CYYR1: variants seen among roughly 807,000 people sequenced by gnomAD.
CYYR1 encodes cysteine and tyrosine-rich protein 1.
Under a neutral mutation model 15.2 loss-of-function variants are expected in CYYR1, and 14 were observed. The ratio of observed to expected loss-of-function variants is 0.92; its 90% confidence interval spans 0.61 to 1.44. The LOEUF (loss-of-function observed/expected upper bound fraction) is 1.44, where lower values mean the gene tolerates loss of function less well. CYYR1 is among the 40% of genes most tolerant of loss of function. The pLI, the probability that CYYR1 is intolerant of heterozygous loss-of-function variation, is 0.00. For missense variants in CYYR1, 228 were observed against 209.5 expected (o/e 1.09, Z -0.54); for synonymous variants, 80 against 77.4 (o/e 1.03, Z -0.18).
chr21:26,481,364 GA>G (rs2065177829), intron 2 of CYYR1, among the ~76,000 whole-genome samples: 1 of 151,956 alleles, frequency 6.6e-6, no homozygotes, highest in East Asian at 1.9e-4. Context: ...AGGACTGACA[GA>G]AAAAAATTCG....
Position 26,467,091 on chromosome 21 carries a change from CTG to C in CYYR1, c.*1408_*1409del, listed in dbSNP as rs1348698197. On this transcript the variant is annotated 3_prime_UTR_variant, in exon 4 of 4. Coordinates refer to ENST00000652641, the MANE Select transcript of CYYR1 (RefSeq NM_001320768.2). ...GTTTCATTCAGCAAAATTCTTGGCA[CTG>C]TTTTGGGATTTCACTGAATTTTGAT... is the stretch of plus-strand genomic sequence containing the variant. 3.3e-5 allele frequency: 5 copies of C among 152,054 alleles called. No homozygotes were observed. Among genetic ancestry groups the C allele is most frequent in the African/African-American group, 1.2e-4 (5 of 41,424 alleles). The allele number at this position is 152,054 out of a possible 1,614,324, so 9.4% of individuals were successfully genotyped here. A position where few individuals can be genotyped will look rare whatever the true frequency, so the allele number is the denominator to read the frequency against.
chr21:26,487,959 G>A lies in CYYR1; in HGVS notation c.177-7530C>T, dbSNP rs1413697804. Among the ~76,000 whole-genome samples, 4 of 148,180 alleles carry A rather than the reference G, an allele frequency of 2.7e-5. No homozygotes were observed. In the East Asian group the frequency reaches 8.0e-4, roughly 30 times the overall value. On this transcript the variant is annotated intron_variant, in intron 2 of 3. Coordinates refer to ENST00000652641, the MANE Select transcript of CYYR1 (RefSeq NM_001320768.2). Reference sequence around the variant, plus strand: ...TGTAAAATCCAAATATGCTAATAATGTTTTTTTATTTTGCTTTTTTTTTTT... The same window carrying A: ...TGTAAAATCCAAATATGCTAATAATATTTTTTTATTTTGCTTTTTTTTTTT...
intron 2 of CYYR1, among the ~76,000 whole-genome samples, chr21:26,504,417 C>T (rs1186189979): frequency 7.2e-5 from 11 of 151,872 alleles, no homozygotes; most frequent in Non-Finnish European, 1.5e-4. Context: ...ATTACAGGCG[C>T]GTACCACCAC....
At chr21:26,523,301 G>A (rs1416620273) in intron 2 of CYYR1, among the ~76,000 whole-genome samples, 3 of 152,060 alleles carry the variant, frequency 2.0e-5, no homozygotes, top group Non-Finnish European at 4.4e-5. Flanking sequence ...GCTGTTATCT[G>A]AGGAAATGCC....
At chr21:26,513,444 G>A (rs928698019) in intron 2 of CYYR1, among the ~76,000 whole-genome samples, 1 of 152,080 alleles carries the variant, frequency 6.6e-6, no homozygotes, top group South Asian at 2.1e-4. Context: ...AGGGTCCAGG[G>A]GAAATTCCAG....
chr21:26,563,980 T>C (rs1349981918), intron 2 of CYYR1, among the ~76,000 whole-genome samples: 2 of 152,226 alleles, frequency 1.3e-5, no homozygotes, highest in Non-Finnish European at 2.9e-5. Context: ...CCTTATTACT[T>C]TTCTAATAAC....
chr21:26,518,808 G>T (rs2065767405), intron 2 of CYYR1, among the ~76,000 whole-genome samples: 1 of 152,106 alleles, frequency 6.6e-6, no homozygotes, highest in Admixed American at 6.5e-5. Context: ...TTTAACAATT[G>T]ACTACCTCAA....
intron 2 of CYYR1, among the ~76,000 whole-genome samples, chr21:26,563,087 G>C (rs922716321): frequency 2.0e-5 from 3 of 152,056 alleles, no homozygotes; most frequent in Admixed American, 6.6e-5. Context: ...GGATAATACT[G>C]ATTCTCCTAT....
Position 26,483,516 on chromosome 21 carries a change from T to C in CYYR1, c.177-3087A>G, listed in dbSNP as rs1030066014. 6 of 688,726 alleles carry C rather than the reference T, an allele frequency of 8.7e-6. No homozygotes were observed. The Admixed American group carries it at 1.9e-4, about 22-fold the overall frequency. The allele number at this position is 688,726 out of a possible 1,614,324, so 42.7% of individuals were successfully genotyped here. A position where few individuals can be genotyped will look rare whatever the true frequency, so the allele number is the denominator to read the frequency against. Reference sequence around the variant, plus strand: ...AACAGGACAAACTGAGATCAGACCATAGATCTTTTCCTTGGGGCTATTCAT... The same window carrying C: ...AACAGGACAAACTGAGATCAGACCACAGATCTTTTCCTTGGGGCTATTCAT... On this transcript the variant is annotated intron_variant, in intron 2 of 3. Transcript: ENST00000652641.
At chr21:26,474,160 C>T (rs1049217073) in intron 3 of CYYR1, among the ~76,000 whole-genome samples, 6 of 151,678 alleles carry the variant, frequency 4.0e-5, no homozygotes, top group Non-Finnish European at 8.8e-5. Flanking sequence ...GATTCTCCTG[C>T]CTCAGCATCC....
At chr21:26,495,330 G>A (rs1177595444) in intron 2 of CYYR1, among the ~76,000 whole-genome samples, 1 of 152,186 alleles carries the variant, frequency 6.6e-6, no homozygotes, top group Non-Finnish European at 1.5e-5. Context: ...CAGCAAGCTT[G>A]CAACAGTTAG....
intron 3 of CYYR1, among the ~76,000 whole-genome samples, chr21:26,479,921 T>C (rs1218706756): frequency 6.6e-6 from 1 of 152,230 alleles, no homozygotes; most frequent in Non-Finnish European, 1.5e-5. Context: ...TTGGATCAGA[T>C]GCCAGTTTAT....
chr21:26,546,312 T>G (rs1018901151), intron 2 of CYYR1, among the ~76,000 whole-genome samples: 1 of 152,258 alleles, frequency 6.6e-6, no homozygotes, highest in African/African-American at 2.4e-5. Context: ...CTCTTCTGAC[T>G]CCTATTTTGA....
intron 2 of CYYR1, among the ~76,000 whole-genome samples, chr21:26,483,207 C>T (rs925096581): frequency 5.3e-5 from 8 of 151,710 alleles, no homozygotes; most frequent in Admixed American, 1.3e-4. Flanking sequence ...TATTGCACTC[C>T]CCTCCCTGTT....
Position 26,468,560 on chromosome 21 carries a change from G to A in CYYR1, c.409C>T (p.Pro137Ser). 6.2e-7 allele frequency: 1 copy of A among 1,613,620 alleles called. No homozygotes were observed. The highest frequency in any genetic ancestry group is 8.5e-7 in the Non-Finnish European group (1 of 1,179,708). The part of the protein sequence containing the change: ...ADLPPPYSPT[P>S]QGPAQRSPPP... ...GGAGAACGCTGTGCTGGACCCTGTGGGGTGGGGGAGTATGGAGGAGGCAAG... is the reference window on the plus strand; with the variant it reads ...GGAGAACGCTGTGCTGGACCCTGTGAGGTGGGGGAGTATGGAGGAGGCAAG... The change falls in exon 4 of 4, where the codon CCA (proline) becomes TCA (serine). Residue 137 changes from proline (P) to serine (S), a missense_variant. By Grantham distance (74) the Pro-to-Ser change is moderately conservative (BLOSUM62 -1). Coordinates refer to ENST00000652641, the MANE Select transcript of CYYR1 (RefSeq NM_001320768.2).
At chr21:26,527,372 C>G (rs984122465) in intron 2 of CYYR1, among the ~76,000 whole-genome samples, 4 of 152,076 alleles carry the variant, frequency 2.6e-5, no homozygotes, top group Non-Finnish European at 4.4e-5. Flanking sequence ...CCTTTTAATT[C>G]TGTAAAATAT....
intron 2 of CYYR1, chr21:26,551,874 G>T: frequency 5.0e-6 from 1 of 200,048 alleles, no homozygotes; most frequent in South Asian, 8.5e-5. Context: ...AAGTTCTACG[G>T]TGGGTCAAAC....
chr21:26,562,725 T>TAAACACACACACAC (rs1395006325), intron 2 of CYYR1, among the ~76,000 whole-genome samples: 1 of 109,392 alleles, frequency 9.1e-6, no homozygotes, highest in African/African-American at 4.4e-5. Flanking sequence ...CATCTCCTCC[T>TAAACACACACACAC]AAACACACAC....
intron 2 of CYYR1, among the ~76,000 whole-genome samples, chr21:26,543,830 C>T (rs919601300): frequency 4.6e-5 from 7 of 152,108 alleles, no homozygotes; most frequent in Middle Eastern, 3.4e-3. Context: ...TGCTTGAACC[C>T]GGGAGGCGGA....
Sources: gnomAD v4.1 joint callset for allele counts (sites outside exome capture counted in the v4.1 genomes callset) on GRCh38, gnomAD v4.1.1 for gene constraint, MANE v1.5 for transcripts, NCBI Gene and HGNC (gene_info 2026-07-23, HGNC 2026-07-21) for gene names.